Variants in MYO1E observed in about 807,000 individuals in gnomAD.
MYO1E encodes the protein myosin IE.
Under a neutral mutation model 151.1 loss-of-function variants are expected in MYO1E, and 68 were observed. That is an observed-to-expected ratio of 0.45 (90% CI 0.37 to 0.55). MYO1E has a LOEUF of 0.55. Among genes scored for constraint, MYO1E ranks in the 20% least tolerant of loss-of-function variants. The probability of loss-of-function intolerance (pLI) is 0.00; values close to 1 mark genes in which losing one functional copy is unlikely to be tolerated. For synonymous variants in MYO1E, 601 were observed against 501.7 expected, an observed-to-expected ratio of 1.20 and a Z score of -2.64; for missense variants, 1,363 against 1,389.3, an observed-to-expected ratio of 0.98 and a Z score of 0.30.
rs1039713488 is a variant in MYO1E, at chr15:59,183,858, C to T, written c.1904+4260G>A. Among the ~76,000 whole-genome samples the T allele has an allele frequency of 2.6e-5, 4 of 152,280 alleles. No individual in the cohort carries two copies. The East Asian group carries it at 7.7e-4, about 29-fold the overall frequency. On this transcript the variant is annotated intron_variant, in intron 18 of 27. Coordinates refer to ENST00000288235, the MANE Select transcript of MYO1E (RefSeq NM_004998.4). ...CACTACCCTTCCCAGCCTCTGGTAA[C>T]CATCATTTTATTCTCTATCTTGATG...
chr15:59,195,125 G>A (rs1452018125), intron 17 of MYO1E, among the ~76,000 whole-genome samples: 1 of 152,122 alleles, frequency 6.6e-6, no homozygotes, highest in Non-Finnish European at 1.5e-5. Context: ...GGGCTGGGTG[G>A]ACTAAGAATG....
At chr15:59,204,518 T>A (rs941771398) in intron 15 of MYO1E, among the ~76,000 whole-genome samples, 7 of 152,234 alleles carry the variant, frequency 4.6e-5, no homozygotes, top group African/African-American at 1.4e-4. Context: ...GGGCCTTGCC[T>A]CGCAAGCATG....
rs534818287 is a variant in MYO1E at position 59,250,992 on chromosome 15, C to G, written c.332+5292G>C. Reference sequence around the variant, plus strand: ...GACTAGCAAGCTCATGTAAGAAGACCATTCCCATCCCACTCGTTTTGGCAC... The same window carrying G: ...GACTAGCAAGCTCATGTAAGAAGACGATTCCCATCCCACTCGTTTTGGCAC... On this transcript the variant is annotated intron_variant, in intron 4 of 27. Transcript: ENST00000288235. Among the ~76,000 whole-genome samples, 618 of 152,258 alleles carry G rather than the reference C, an allele frequency of 4.1e-3. 6 individuals carry two copies. The highest frequency in any genetic ancestry group is 0.014 in the African/African-American group (588 of 41,544).
chr15:59,249,940 A>T (rs1312325426), intron 4 of MYO1E, among the ~76,000 whole-genome samples: 1 of 152,066 alleles, frequency 6.6e-6, no homozygotes, highest in African/African-American at 2.4e-5. Flanking sequence ...ATTTGGAAGG[A>T]AGAGTTCCAA....
chr15:59,338,491 G>C (rs191873877), intron 1 of MYO1E, among the ~76,000 whole-genome samples: 1 of 152,090 alleles, frequency 6.6e-6, no homozygotes, highest in African/African-American at 2.4e-5. Context: ...TCTGGTTTTA[G>C]AACATCTCCT....
At chr15:59,321,863 C>T in intron 1 of MYO1E, among the ~76,000 whole-genome samples, 1 of 151,764 alleles carries the variant, frequency 6.6e-6, no homozygotes, top group Non-Finnish European at 1.5e-5. Context: ...GAGACCCTGG[C>T]TCAAAAAAAG....
At chr15:59,165,334 G>T (rs1170503949) in intron 22 of MYO1E, among the ~76,000 whole-genome samples, 3 of 152,142 alleles carry the variant, frequency 2.0e-5, no homozygotes, top group Non-Finnish European at 2.9e-5. Flanking sequence ...TCCTTTCATG[G>T]CCAGCTTACT....
At chr15:59,249,596 CAA>C (rs1422621208) in intron 4 of MYO1E, among the ~76,000 whole-genome samples, 2 of 152,060 alleles carry the variant, frequency 1.3e-5, no homozygotes, top group Admixed American at 6.6e-5. Context: ...GTCATTTAGA[CAA>C]AGTCACACCA....
chr15:59,199,626 T>A lies in MYO1E; in HGVS notation c.1698+2700A>T, dbSNP rs1596361660. 1.3e-5 allele frequency among the ~76,000 whole-genome samples: 2 copies of A among 152,150 alleles called. 1 individual carries two copies. The highest frequency in any genetic ancestry group is 3.8e-4 in the East Asian group (2 of 5,200). On this transcript the variant is annotated intron_variant, in intron 16 of 27. Transcript: ENST00000288235. ...TTTATACTTTTATTTATAATCAATA[T>A]AATAAGAGTTCCCATCAAATGAATA... is the stretch of plus-strand genomic sequence containing the variant.
In MYO1E at chr15:59,223,182, T is replaced by C. The variant is rs756066968; in HGVS notation, c.787A>G (p.Asn263Asp). 1 of 1,613,994 alleles carries C rather than the reference T, an allele frequency of 6.2e-7. No individual in the cohort carries two copies. The highest frequency in any genetic ancestry group is 1.7e-5 in the Admixed American group (1 of 60,002). The change falls in exon 9 of 28, where the codon AAT becomes GAT. Residue 263 changes from asparagine to aspartate, a missense_variant. Physicochemically the swap from Asn to Asp is conservative, Grantham distance 23. Coordinates refer to ENST00000288235, the MANE Select transcript of MYO1E (RefSeq NM_004998.4). ...REFQETLHAM[N>D]VIGIFAEEQT... ...TCTTCTGCAAAGATCCCAATCACATTCATGGCGTGCTGGAAGAGAAAAGAG... is the reference window on the plus strand; with the variant it reads ...TCTTCTGCAAAGATCCCAATCACATCCATGGCGTGCTGGAAGAGAAAAGAG...
intron 2 of MYO1E, 171 bp downstream of exon 2, chr15:59,272,135 T>C: frequency 1.5e-6 from 1 of 669,428 alleles, no homozygotes; most frequent in South Asian, 1.8e-5. Flanking sequence ...TTATTTTTTA[T>C]AATAGAGATG....
chr15:59,144,110 G>C (rs533407806), intron 26 of MYO1E, among the ~76,000 whole-genome samples: 3 of 152,216 alleles, frequency 2.0e-5, no homozygotes, highest in Admixed American at 2.0e-4. Context: ...TGTAAAACCT[G>C]AGCAGATTCA....
At chr15:59,195,625 CA>C (rs1308465422) in intron 16 of MYO1E, 58 bp from the exon 17 acceptor site, 26 of 1,425,688 alleles carry the variant, frequency 1.8e-5, no homozygotes, top group Non-Finnish European at 2.6e-5. Flanking sequence ...GACCAAATTT[CA>C]AAGGAGACTT....
intron 24 of MYO1E, among the ~76,000 whole-genome samples, chr15:59,160,358 T>C (rs946507790): frequency 2.2e-4 from 32 of 148,322 alleles, no homozygotes; most frequent in African/African-American, 7.0e-4. Context: ...TGTGTGTGTG[T>C]GTGTGTGTGT....
intron 15 of MYO1E, among the ~76,000 whole-genome samples, chr15:59,204,811 T>A (rs1010995727): frequency 7.9e-5 from 12 of 152,192 alleles, no homozygotes; most frequent in African/African-American, 2.4e-4. Flanking sequence ...TAACCATCTT[T>A]AAAAATTCAA....
intron 26 of MYO1E, among the ~76,000 whole-genome samples, chr15:59,150,284 G>A (rs1216433911): frequency 1.3e-5 from 2 of 152,182 alleles, no homozygotes; most frequent in Admixed American, 1.3e-4. Flanking sequence ...ACAGCACCAC[G>A]TGTACCCAGT....
chr15:59,169,466 A>G (rs1303568956), intron 22 of MYO1E, among the ~76,000 whole-genome samples: 1 of 152,212 alleles, frequency 6.6e-6, no homozygotes, highest in Admixed American at 6.5e-5. Flanking sequence ...GCCTAACTCA[A>G]GTATAAAGAA....
intron 1 of MYO1E, among the ~76,000 whole-genome samples, chr15:59,335,511 A>C (rs555457754): frequency 8.6e-4 from 131 of 152,128 alleles, no homozygotes; most frequent in African/African-American, 2.7e-3. Context: ...TAAAAAAAAA[A>C]CCCACTTGGT....
Position 59,277,560 on chromosome 15 carries a change from A to AACAACAACAAC in MYO1E, c.4-5112_4-5111insGTTGTTGTTGT, listed in dbSNP as rs1567000029. On this transcript the variant is annotated intron_variant, in intron 1 of 27. Transcript: ENST00000288235. ...CTCCATCCCCCCACAAAAAAAAAAAAAAAAAAAAAAAAACATCAAAGCCTC... is the reference window on the plus strand; with the variant it reads ...CTCCATCCCCCCACAAAAAAAAAAAAACAACAACAACAAAAAAAAAAAAACATCAAAGCCTC... Among the ~76,000 whole-genome samples the AACAACAACAAC allele has an allele frequency of 1.4e-3, 182 of 126,790 alleles. 1 individual carries two copies. The highest frequency in any genetic ancestry group is 6.1e-3 in the African/African-American group (178 of 28,988). The allele number at this position is 126,790 out of a possible 152,430, so 83.2% of individuals were successfully genotyped here. A position where few individuals can be genotyped will look rare whatever the true frequency, so the allele number is the denominator to read the frequency against.
Sources: gnomAD v4.1 joint callset for allele counts (sites outside exome capture counted in the v4.1 genomes callset) on GRCh38, gnomAD v4.1.1 for gene constraint, MANE v1.5 for transcripts, NCBI Gene and HGNC (gene_info 2026-07-23, HGNC 2026-07-21) for gene names.